TMEM41B: variants seen among roughly 807,000 people sequenced by gnomAD.
The protein encoded by TMEM41B is protein stasimon.
In TMEM41B, 18 loss-of-function variants were observed where a neutral mutation model predicts 31.9. The observed-to-expected ratio is 0.56, with a 90% CI of 0.39 to 0.84. TMEM41B has a LOEUF of 0.84. Among genes scored for constraint, TMEM41B ranks in the 40% least tolerant of loss-of-function variants. TMEM41B has a pLI of 0.00. For missense variants in TMEM41B, 322 were observed against 348.0 expected (o/e 0.93, Z 0.59); for synonymous variants, 144 against 124.3 (o/e 1.16, Z -1.05).
At chr11:9,310,645 G>A (rs1353010323) in intron 1 of TMEM41B, among the ~76,000 whole-genome samples, 1 of 140,344 alleles carries the variant, frequency 7.1e-6, no homozygotes, top group East Asian at 2.1e-4. Flanking sequence ...AACCGATTAG[G>A]TTAAGAGCCC....
At chr11:9,303,927 CA>C (rs1245507917) in intron 1 of TMEM41B, among the ~76,000 whole-genome samples, 1 of 152,144 alleles carries the variant, frequency 6.6e-6, no homozygotes, top group Admixed American at 6.6e-5. Context: ...TTTGGCCTCC[CA>C]AAGTGTTAGG....
intron 1 of TMEM41B, among the ~76,000 whole-genome samples, chr11:9,305,201 A>T (rs1028553339): frequency 6.6e-6 from 1 of 151,534 alleles, no homozygotes. Context: ...GAATGAGGGT[A>T]ATATATATAT....
intron 4 of TMEM41B, chr11:9,288,116 C>T: frequency 3.3e-5 from 2 of 59,972 alleles, no homozygotes; most frequent in South Asian, 9.5e-5. Context: ...CTACCCCCGA[C>T]CCCCCCAGTT....
At chr11:9,290,180 A>C (rs970368414) in intron 3 of TMEM41B, among the ~76,000 whole-genome samples, 1 of 152,144 alleles carries the variant, frequency 6.6e-6, no homozygotes, top group Non-Finnish European at 1.5e-5. Context: ...GGAGATCGAG[A>C]CCATCCTGGC....
In TMEM41B at chr11:9,314,428, C is replaced by G. The variant is rs775632699; in HGVS notation, c.14G>C (p.Arg5Thr). 5 of 1,558,840 alleles carry G rather than the reference C, an allele frequency of 3.2e-6. No individual in the cohort carries two copies. The highest frequency in any genetic ancestry group is 4.8e-5 in the East Asian group (2 of 41,332). ...GCCCAACTGCGATCGTTCGGCGACTCTGCCTTTCGCCATGGCTGCTGCAAG... is the reference window on the plus strand; with the variant it reads ...GCCCAACTGCGATCGTTCGGCGACTGTGCCTTTCGCCATGGCTGCTGCAAG... MAKG[R>T]VAERSQLGAH... The change falls in exon 1 of 7, where the codon AGA (arginine) becomes ACA (threonine). Residue 5 changes from arginine to threonine, a missense_variant. Physicochemically the swap from Arg to Thr is moderately conservative, Grantham distance 71. Transcript: ENST00000528080.
intron 1 of TMEM41B, among the ~76,000 whole-genome samples, chr11:9,309,847 G>A (rs1485693002): frequency 4.0e-5 from 6 of 150,218 alleles, no homozygotes; most frequent in South Asian, 2.1e-4. Flanking sequence ...GCGTGAACCC[G>A]GGAAGGGGAG....
chr11:9,301,482 T>G (rs1333400484), intron 1 of TMEM41B, among the ~76,000 whole-genome samples: 1 of 152,226 alleles, frequency 6.6e-6, no homozygotes, highest in Admixed American at 6.5e-5. Flanking sequence ...CTAAAAGTAC[T>G]GAACTGCCTA....
intron 3 of TMEM41B, among the ~76,000 whole-genome samples, chr11:9,289,059 A>G (rs187724823): frequency 6.6e-5 from 10 of 152,368 alleles, no homozygotes; most frequent in African/African-American, 2.2e-4. Flanking sequence ...GCTGGAACGC[A>G]GTGGCGCACT....
chr11:9,299,325 T>TACATACACACAC (rs1554943934), intron 2 of TMEM41B, among the ~76,000 whole-genome samples: 90 of 123,150 alleles, frequency 7.3e-4, no homozygotes, highest in Middle Eastern at 4.5e-3. Context: ...TATACATACA[T>TACATACACACAC]ACACACACAC....
At chr11:9,294,002 C>T (rs571836261) in intron 3 of TMEM41B, among the ~76,000 whole-genome samples, 101 of 151,734 alleles carry the variant, frequency 6.7e-4, no homozygotes, top group African/African-American at 1.8e-3. Context: ...CCAGCCCAGA[C>T]AACATAGCAA....
chr11:9,310,710 G>C (rs1410941410), intron 1 of TMEM41B, among the ~76,000 whole-genome samples: 4 of 142,050 alleles, frequency 2.8e-5, no homozygotes, highest in Non-Finnish European at 4.5e-5. Context: ...TTTGGACTGA[G>C]AGCTGGAGAA....
Position 9,314,414 on chromosome 11 carries a change from A to G in TMEM41B, c.28T>C (p.Ser10Pro). 6.4e-7 allele frequency: 1 copy of G among 1,564,022 alleles called. No homozygotes were observed. Residue 10 changes from serine to proline, a missense_variant, in exon 1 of 7, where the codon TCG becomes CCG. Ser to Pro is a moderately conservative substitution (Grantham distance 74). Transcript: ENST00000528080. MAKGRVAERSQLGAHHTTPV... is the reference protein window; with the variant it reads MAKGRVAERPQLGAHHTTPV... ...GTCGTGTGGTGAGCGCCCAACTGCGATCGTTCGGCGACTCTGCCTTTCGCC... is the reference window on the plus strand; with the variant it reads ...GTCGTGTGGTGAGCGCCCAACTGCGGTCGTTCGGCGACTCTGCCTTTCGCC...
At chr11:9,300,836 C>T (rs1273020387) in intron 1 of TMEM41B, among the ~76,000 whole-genome samples, 1 of 151,506 alleles carries the variant, frequency 6.6e-6, no homozygotes, top group African/African-American at 2.4e-5. Flanking sequence ...TGAGATCGCA[C>T]CACTGCACTA....
intron 3 of TMEM41B, among the ~76,000 whole-genome samples, chr11:9,289,764 G>A (rs775770696): frequency 6.6e-6 from 1 of 152,096 alleles, no homozygotes; most frequent in Non-Finnish European, 1.5e-5. Flanking sequence ...CCCTGCATAG[G>A]ATTAGACTTC....
At chr11:9,294,711 A>T (rs183613304) in intron 3 of TMEM41B, among the ~76,000 whole-genome samples, 45 of 152,234 alleles carry the variant, frequency 3.0e-4, no homozygotes, top group South Asian at 1.2e-3. Context: ...GTTAAAATGT[A>T]ATATATTTCT....
chr11:9,297,550 G>C (rs983132240), intron 2 of TMEM41B, among the ~76,000 whole-genome samples: 9 of 152,024 alleles, frequency 5.9e-5, no homozygotes, highest in Non-Finnish European at 1.2e-4. Flanking sequence ...AAATTAGCTG[G>C]GCATGGTGGC....
At chr11:9,285,776 G>C (rs901034197) in intron 6 of TMEM41B, among the ~76,000 whole-genome samples, 3 of 89,042 alleles carry the variant, frequency 3.4e-5, no homozygotes, top group African/African-American at 8.4e-5. Context: ...TACTTGATTA[G>C]AAAACAAAGG....
chr11:9,311,647 G>C (rs768062970), intron 1 of TMEM41B: 1 of 866,090 alleles, frequency 1.2e-6, no homozygotes, highest in South Asian at 1.4e-5. Flanking sequence ...ATGTTGGGTG[G>C]ATATGGATTT....
intron 2 of TMEM41B, among the ~76,000 whole-genome samples, chr11:9,298,771 T>C (rs1358037135): frequency 3.0e-5 from 2 of 67,416 alleles, no homozygotes; most frequent in Non-Finnish European, 7.0e-5. Flanking sequence ...CTATCTCAAA[T>C]GAAGAAAAAA....
Sources: allele counts gnomAD v4.1 joint callset (sites outside exome capture counted in the v4.1 genomes callset), GRCh38; gene constraint gnomAD v4.1.1; transcripts MANE v1.5; gene names NCBI Gene and HGNC (gene_info 2026-07-23, HGNC 2026-07-21).